ANKMY1: variants seen among roughly 807,000 people sequenced by gnomAD.
ANKMY1 encodes ankyrin repeat and MYND domain-containing protein 1.
ANKMY1 carries 98 observed loss-of-function variants against 102.0 expected under a neutral mutation model. That is an observed-to-expected ratio of 0.96 (90% CI 0.82 to 1.14). ANKMY1 has a LOEUF of 1.14. Among genes scored for constraint, ANKMY1 ranks in the 50% most tolerant of loss-of-function variants. ANKMY1 has a pLI of 0.00. For missense variants in ANKMY1, 1,330 were observed against 1,347.6 expected (o/e 0.99, Z 0.20); for synonymous variants, 582 against 559.9 (o/e 1.04, Z -0.56).
At chr2:240,508,530 A>G (rs530790817) in intron 12 of ANKMY1, among the ~76,000 whole-genome samples, 158 of 152,360 alleles carry the variant, frequency 1.0e-3, no homozygotes, top group Non-Finnish European at 2.1e-3. Context: ...CCACCCTGCT[A>G]AAGTAGCCTG....
chr2:240,524,318 A>G lies in ANKMY1; in HGVS notation c.1399T>C (p.Ser467Pro), dbSNP rs1349610470. The change falls in exon 8 of 18, where the codon TCT becomes CCT. Residue 467 changes from serine (S) to proline (P), a missense_variant. Transcript: ENST00000401804. The part of the protein sequence containing the change: ...SSSFMDTNLE[S>P]LYYEVNVPSQ... ...GGCACGTTCACCTCATAGTACAGAGACTCCAGGTTTGTGTCCATAAATGAT... is the reference window on the plus strand; with the variant it reads ...GGCACGTTCACCTCATAGTACAGAGGCTCCAGGTTTGTGTCCATAAATGAT... 4 of 1,613,130 alleles carry G rather than the reference A, an allele frequency of 2.5e-6. No homozygotes were observed. The Admixed American group carries it at 6.7e-5, about 27-fold the overall frequency.
intron 5 of ANKMY1, chr2:240,527,308 G>GGGTA (rs1441220078): frequency 1.3e-5 from 2 of 152,936 alleles, no homozygotes; most frequent in African/African-American, 4.8e-5. Context: ...GTGGATGACT[G>GGGTA]GGTAGGTAGG....
chr2:240,493,633 G>T (rs1190930853), intron 15 of ANKMY1, among the ~76,000 whole-genome samples: 1 of 152,062 alleles, frequency 6.6e-6, no homozygotes, highest in Admixed American at 6.5e-5. Flanking sequence ...TGATTTTCTT[G>T]GTGGGTTAGG....
intron 4 of ANKMY1, among the ~76,000 whole-genome samples, chr2:240,535,878 T>C (rs1321493458): frequency 9.4e-6 from 1 of 106,706 alleles, no homozygotes; most frequent in South Asian, 3.1e-4. Context: ...CTAACACAAA[T>C]AGTAAAAGTG....
In ANKMY1 at chr2:240,480,999, T is replaced by C. The variant is rs370252383; in HGVS notation, c.2984A>G (p.Tyr995Cys). The change falls in exon 17 of 18, where the codon TAC becomes TGC. Residue 995 changes from tyrosine to cysteine, a missense_variant. Transcript: ENST00000401804. ...RCYGILTCSK[Y>C]CKTKAWTEFH... ...CTCGGTCCAGGCCTTGGTCTTGCAG[T>C]ACTTGCTGCAGGTCAGGATCCCGTA... The C allele has an allele frequency of 2.5e-6, 4 of 1,613,920 alleles. No homozygotes were observed. The African/African-American group carries it at 5.3e-5, about 22-fold the overall frequency.
intron 4 of ANKMY1, among the ~76,000 whole-genome samples, chr2:240,550,717 A>G (rs1286691862): frequency 6.6e-6 from 1 of 152,152 alleles, no homozygotes; most frequent in African/African-American, 2.4e-5. Flanking sequence ...CATGTTATTA[A>G]TATGTGTTCC....
intron 5 of ANKMY1, chr2:240,526,721 G>T (rs753576150): frequency 4.4e-6 from 6 of 1,363,514 alleles, no homozygotes; most frequent in Non-Finnish European, 5.7e-6. Flanking sequence ...GTACATCCAT[G>T]CATCTCTGAT....
intron 9 of ANKMY1, among the ~76,000 whole-genome samples, chr2:240,513,292 G>A (rs371827222): frequency 2.6e-5 from 4 of 152,168 alleles, no homozygotes; most frequent in East Asian, 3.9e-4. Flanking sequence ...ATTAACAGCC[G>A]TGCAGCTCCT....
At position 240,500,126 on chromosome 2, in the gene ANKMY1, G is replaced by A; in HGVS notation, c.2641-3C>T. On this transcript the variant is annotated splice_region_variant and splice_polypyrimidine_tract_variant and intron_variant, in intron 14 of 17. Transcript: ENST00000401804. ...GGGCAGCGGGCAATCCTCCGGTCCTGCGGCACAGCACCAGGGTCACCACAG... is the reference window on the plus strand; with the variant it reads ...GGGCAGCGGGCAATCCTCCGGTCCTACGGCACAGCACCAGGGTCACCACAG... 6.3e-7 allele frequency: 1 copy of A among 1,594,898 alleles called. No homozygotes were observed. The highest frequency in any genetic ancestry group is 1.3e-5 in the African/African-American group (1 of 74,600).
chr2:240,530,945 T>TA (rs56890629), intron 4 of ANKMY1, among the ~76,000 whole-genome samples: 61 of 142,734 alleles, frequency 4.3e-4, no homozygotes, highest in South Asian at 1.1e-3. Flanking sequence ...TAAAATAAAG[T>TA]AAAAAAAAAA....
At chr2:240,507,370 CCCT>C (rs1024717172) in intron 13 of ANKMY1, among the ~76,000 whole-genome samples, 187 bp downstream of exon 13, 7 of 148,232 alleles carry the variant, frequency 4.7e-5, no homozygotes, top group African/African-American at 1.8e-4. Context: ...CTCCCGCCCC[CCCT>C]CACCAGGGCT....
intron 4 of ANKMY1, among the ~76,000 whole-genome samples, chr2:240,530,399 T>G (rs1425846239): frequency 6.6e-6 from 1 of 152,110 alleles, no homozygotes; most frequent in Non-Finnish European, 1.5e-5. Context: ...GTGCCCTTGG[T>G]GCTGCCCTCC....
chr2:240,480,938 G>A lies in ANKMY1; in HGVS notation c.3045C>T (p.Ile1015=), dbSNP rs759247151. 6.9e-5 allele frequency: 111 copies of A among 1,604,790 alleles called. 1 individual carries two copies. The highest frequency in any genetic ancestry group is 6.7e-4 in the Middle Eastern group (4 of 5,952). Residue 1015 remains isoleucine (I), a splice_region_variant and synonymous_variant, in exon 17 of 18, where the codon ATC becomes ATT. Coordinates refer to ENST00000401804, the MANE Select transcript of ANKMY1 (RefSeq NM_001282771.3). Reference sequence around the variant, plus strand: ...CTCCCAGCCTGAGGGCCGACCTACCGATGGCCACCAGGTCCCCGCAGTCCT... The same window carrying A: ...CTCCCAGCCTGAGGGCCGACCTACCAATGGCCACCAGGTCCCCGCAGTCCT... ...HKKDCGDLVA[I]VTQLEQVSRR...
At chr2:240,495,261 C>T (rs2077101020) in intron 15 of ANKMY1, among the ~76,000 whole-genome samples, 1 of 152,104 alleles carries the variant, frequency 6.6e-6, no homozygotes, top group Admixed American at 6.5e-5. Context: ...AAGGGAGTCT[C>T]CCTTTCCCCA....
chr2:240,478,324 T>C (rs2074997051), downstream of ANKMY1, among the ~76,000 whole-genome samples: 1 of 152,254 alleles, frequency 6.6e-6, no homozygotes, highest in South Asian at 2.1e-4. Flanking sequence ...TTACAGGTTC[T>C]TTCTTTTGCT....
chr2:240,559,488 C>A (rs895577749), upstream of ANKMY1, among the ~76,000 whole-genome samples: 1 of 152,202 alleles, frequency 6.6e-6, no homozygotes, highest in Non-Finnish European at 1.5e-5. Context: ...ATTCCCAGAG[C>A]AGTCACGGGA....
At chr2:240,476,860 A>G (rs1192036718), downstream of ANKMY1, among the ~76,000 whole-genome samples, 2 of 152,234 alleles carry the variant, frequency 1.3e-5, no homozygotes. Context: ...GCACTCCAGC[A>G]AGCCAGGCCC....
upstream of ANKMY1, chr2:240,560,531 G>A (rs952013898): frequency 2.6e-6 from 3 of 1,149,884 alleles, no homozygotes; most frequent in East Asian, 3.2e-5. Flanking sequence ...GCGCCCGCGG[G>A]GGACCCAAGC....
At position 240,520,609 on chromosome 2, in the gene ANKMY1, G is replaced by A. The variant is rs1386307884; in HGVS notation, c.1833-76C>T. 4 of 1,506,660 alleles carry A rather than the reference G, an allele frequency of 2.7e-6. No individual in the cohort carries two copies. Among genetic ancestry groups the A allele is most frequent in the East Asian group, 2.3e-5 (1 of 42,562 alleles). The allele number at this position is 1,506,660 out of a possible 1,614,324, so 93.3% of individuals were successfully genotyped here. The stretch of plus-strand genomic sequence containing the variant: ...GCGCCCAGAACGGGGCCATGCCAGC[G>A]AGGAGGCTGGGGAGGGGCGCGTAGG... On this transcript the variant is annotated intron_variant, in intron 8 of 17. Transcript: ENST00000401804. This position sits in a 1 kb window ranked among gnomAD's most constrained non-coding sequence, Gnocchi z 4.8.
Sources: gnomAD v4.1 joint callset for allele counts (sites outside exome capture counted in the v4.1 genomes callset) on GRCh38, gnomAD v4.1.1 for gene constraint, Gnocchi (gnomAD v3.1) non-coding constraint, MANE v1.5 for transcripts, NCBI Gene and HGNC (gene_info 2026-07-23, HGNC 2026-07-21) for gene names.